The following FAT3 variants were observed in gnomAD, a reference collection of about 807,000 sequenced individuals.
FAT3 encodes protocadherin Fat 3.
FAT3 carries 95 observed loss-of-function variants against 310.2 expected under a neutral mutation model. The ratio of observed to expected loss-of-function variants is 0.31; its 90% CI spans 0.26 to 0.36. FAT3 has a LOEUF of 0.36. Among genes scored for constraint, FAT3 ranks in the 10% least tolerant of loss-of-function variants. The pLI, the probability that FAT3 is intolerant of heterozygous loss-of-function variation, is 1.00. For missense variants in FAT3, 5,408 were observed against 5,715.6 expected, an observed-to-expected ratio of 0.95 and a Z score of 1.74; for synonymous variants, 2,314 against 2,192.9, an observed-to-expected ratio of 1.06 and a Z score of -1.54.
chr11:92,547,264 G>A (rs1954646691), intron 3 of FAT3, among the ~76,000 whole-genome samples: 1 of 152,138 alleles, frequency 6.6e-6, no homozygotes, highest in East Asian at 1.9e-4. Context: ...TTGCCCTGAA[G>A]TTGCCATATT....
At chr11:92,437,676 G>GAC (rs1950969785) in intron 2 of FAT3, among the ~76,000 whole-genome samples, 1 of 152,148 alleles carries the variant, frequency 6.6e-6, no homozygotes, top group African/African-American at 2.4e-5. Flanking sequence ...CAGTAAAGAA[G>GAC]AGACAGAGGC....
In FAT3 at chr11:92,374,541, A is replaced by T. The variant is rs151261991; in HGVS notation, c.3292+19137A>T. 5.2e-3 allele frequency among the ~76,000 whole-genome samples: 794 copies of T among 152,356 alleles called. 3 individuals carry two copies. The highest frequency in any genetic ancestry group is 8.6e-3 in the Non-Finnish European group (588 of 68,040). On this transcript the variant is annotated intron_variant, in intron 2 of 27. Transcript: ENST00000525166. ...GGAGAATAAGTTTGACTGATTTGCC[A>T]CAAACTCTGATAACTACTCTTTGTG... is the stretch of plus-strand genomic sequence containing the variant.
At chr11:92,824,225 T>C (rs1270291902) in intron 13 of FAT3, among the ~76,000 whole-genome samples, 1 of 151,816 alleles carries the variant, frequency 6.6e-6, no homozygotes, top group Non-Finnish European at 1.5e-5. Context: ...GGCATGGTGG[T>C]GTGTGCCTGT....
intron 3 of FAT3, among the ~76,000 whole-genome samples, chr11:92,677,200 G>T (rs181407817): frequency 1.3e-5 from 2 of 152,078 alleles, no homozygotes. Context: ...TTTTCTTTTG[G>T]TGCAGCCTCT....
chr11:92,666,453 G>A (rs954439959), intron 3 of FAT3, among the ~76,000 whole-genome samples: 3 of 149,968 alleles, frequency 2.0e-5, no homozygotes, highest in African/African-American at 4.9e-5. Flanking sequence ...CCGGGTTCAC[G>A]CCATTCTCCT....
chr11:92,382,451 C>A (rs1158750509), intron 2 of FAT3, among the ~76,000 whole-genome samples: 1 of 152,118 alleles, frequency 6.6e-6, no homozygotes, highest in African/African-American at 2.4e-5. Context: ...GGCGCTGTCT[C>A]CCAGGAAGGC....
Position 92,374,970 on chromosome 11 carries a change from C to G in FAT3, c.3292+19566C>G, listed in dbSNP as rs183254276. 5.9e-4 allele frequency among the ~76,000 whole-genome samples: 89 copies of G among 152,136 alleles called. 1 individual carries two copies. Among genetic ancestry groups the G allele is most frequent in the Non-Finnish European group, 1.0e-4 (7 of 68,012 alleles). On this transcript the variant is annotated intron_variant, in intron 2 of 27. Coordinates refer to ENST00000525166, the MANE Select transcript of FAT3 (RefSeq NM_001367949.2). ...GCTATCTCCCTGGTTTAGAGGAATTCCATTCTAGTTGGGAGCATAAAACAT... is the reference window on the plus strand; with the variant it reads ...GCTATCTCCCTGGTTTAGAGGAATTGCATTCTAGTTGGGAGCATAAAACAT...
At chr11:92,557,668 C>G (rs1174358004) in intron 3 of FAT3, among the ~76,000 whole-genome samples, 1 of 152,198 alleles carries the variant, frequency 6.6e-6, no homozygotes, top group Non-Finnish European at 1.5e-5. Flanking sequence ...GACTGCAGCT[C>G]TCTGCCCCAG....
intron 4 of FAT3, among the ~76,000 whole-genome samples, chr11:92,750,646 C>G (rs1041061087): frequency 1.3e-5 from 2 of 152,088 alleles, no homozygotes; most frequent in African/African-American, 2.4e-5. Flanking sequence ...CTCTCTCTCT[C>G]TCTCTCTCTC....
At chr11:92,737,952 C>A (rs930977527) in intron 4 of FAT3, among the ~76,000 whole-genome samples, 1 of 152,076 alleles carries the variant, frequency 6.6e-6, no homozygotes, top group African/African-American at 2.4e-5. Flanking sequence ...ATACAGCTAC[C>A]GATTTTTCAT....
intron 12 of FAT3, 52 bp from the exon 13 acceptor site, chr11:92,809,790 GA>G: frequency 1.4e-6 from 2 of 1,433,104 alleles, no homozygotes; most frequent in South Asian, 2.5e-5. Flanking sequence ...GCTCTCCAAA[GA>G]AAGACAGTTT....
chr11:92,655,404 A>G (rs995274407), intron 3 of FAT3, among the ~76,000 whole-genome samples: 2 of 152,184 alleles, frequency 1.3e-5, no homozygotes, highest in Admixed American at 1.3e-4. Context: ...GGAATACTGG[A>G]CCTATCACTT....
intron 2 of FAT3, among the ~76,000 whole-genome samples, chr11:92,423,590 C>T (rs1950573108): frequency 6.6e-6 from 1 of 152,136 alleles, no homozygotes; most frequent in Non-Finnish European, 1.5e-5. Flanking sequence ...GAAATATGGT[C>T]ACTTTGCCTG....
intron 4 of FAT3, among the ~76,000 whole-genome samples, chr11:92,759,276 C>T (rs1001640414): frequency 1.3e-5 from 2 of 152,180 alleles, no homozygotes; most frequent in Non-Finnish European, 2.9e-5. Flanking sequence ...ATGAATGGAG[C>T]GTGTTCTGTG....
intron 2 of FAT3, among the ~76,000 whole-genome samples, chr11:92,413,798 A>C (rs547161447): frequency 6.6e-6 from 1 of 152,232 alleles, no homozygotes; most frequent in African/African-American, 2.4e-5. Context: ...TTATTTCCAT[A>C]TATGTTGACA....
intron 3 of FAT3, among the ~76,000 whole-genome samples, chr11:92,662,041 G>C (rs937469704): frequency 6.6e-6 from 1 of 152,012 alleles, no homozygotes; most frequent in East Asian, 1.9e-4. Context: ...ATATTATTAC[G>C]ACTGTTATTA....
At chr11:92,638,872 C>T (rs1426263718) in intron 3 of FAT3, among the ~76,000 whole-genome samples, 1 of 152,078 alleles carries the variant, frequency 6.6e-6, no homozygotes. Context: ...AGTCATGTTT[C>T]AGACTATAAG....
intron 6 of FAT3, chr11:92,766,929 G>A (rs763608059): frequency 3.9e-5 from 6 of 152,170 alleles, no homozygotes; most frequent in Non-Finnish European, 5.9e-5. Context: ...CGTGCCCTTA[G>A]TGCCAGGTGT....
intron 2 of FAT3, among the ~76,000 whole-genome samples, chr11:92,399,631 G>T (rs1949964868): frequency 6.6e-6 from 1 of 152,154 alleles, no homozygotes; most frequent in Non-Finnish European, 1.5e-5. Flanking sequence ...ATATCCTACA[G>T]AAATGCCTAT....
Sources: gnomAD v4.1 joint callset for allele counts (sites outside exome capture counted in the v4.1 genomes callset) on GRCh38, gnomAD v4.1.1 for gene constraint, MANE v1.5 for transcripts, NCBI Gene and HGNC (gene_info 2026-07-23, HGNC 2026-07-21) for gene names.